Variants in RALYL observed in about 807,000 individuals in gnomAD.
RALYL encodes RALY RNA binding protein like.
In RALYL, 29 loss-of-function variants were observed where a neutral mutation model predicts 35.1. The ratio of observed to expected loss-of-function variants is 0.83; its 90% confidence interval spans 0.61 to 1.13. The LOEUF is 1.13. Among genes scored for constraint, RALYL ranks in the 50% most tolerant of loss-of-function variants. The pLI is 0.00. For synonymous variants in RALYL, 120 were observed against 127.6 expected, an observed-to-expected ratio of 0.94 and a Z score of 0.40; for missense variants, 359 against 360.4, an observed-to-expected ratio of 1.00 and a Z score of 0.03.
intron 2 of RALYL, among the ~76,000 whole-genome samples, chr8:84,623,576 G>A (rs1401438097): frequency 6.6e-6 from 1 of 152,108 alleles, no homozygotes; most frequent in African/African-American, 2.4e-5. Context: ...GAGAGGTAGG[G>A]AGAGGAAGTT....
At chr8:84,759,774 ATCT>A (rs1226459995) in intron 2 of RALYL, among the ~76,000 whole-genome samples, 1 of 152,198 alleles carries the variant, frequency 6.6e-6, no homozygotes, top group Non-Finnish European at 1.5e-5. Flanking sequence ...TGATTATTTC[ATCT>A]TCTCTGTTGT....
intron 1 of RALYL, among the ~76,000 whole-genome samples, chr8:84,313,908 C>A (rs1843267229): frequency 6.6e-6 from 1 of 152,154 alleles, no homozygotes; most frequent in Non-Finnish European, 1.5e-5. Flanking sequence ...ATCTTTGTAG[C>A]AGTATCCCAC....
intron 1 of RALYL, among the ~76,000 whole-genome samples, chr8:84,348,315 G>A (rs912637856): frequency 6.6e-6 from 1 of 152,120 alleles, no homozygotes; most frequent in Non-Finnish European, 1.5e-5. Context: ...GATTTTCAGA[G>A]ACAGAGTTTG....
intron 1 of RALYL, among the ~76,000 whole-genome samples, chr8:84,352,207 C>T (rs1423029190): frequency 1.3e-5 from 2 of 149,976 alleles, no homozygotes; most frequent in Admixed American, 6.6e-5. Context: ...AATATAAATC[C>T]ATTGCTAAAT....
At chr8:84,345,802 C>T (rs1849733369) in intron 1 of RALYL, among the ~76,000 whole-genome samples, 1 of 152,094 alleles carries the variant, frequency 6.6e-6, no homozygotes, top group Admixed American at 6.6e-5. Flanking sequence ...CTTCATCCTA[C>T]TCTTGGGGAG....
In RALYL at chr8:84,535,160, A is replaced by C. The variant is rs117931729; in HGVS notation, c.256+5583A>C. Reference sequence around the variant, plus strand: ...CACAACAATGCCAATAAATAATATTAGTATTTACGCCCATTCTGCTGGTTA... The same window carrying C: ...CACAACAATGCCAATAAATAATATTCGTATTTACGCCCATTCTGCTGGTTA... On this transcript the variant is annotated intron_variant, in intron 2 of 8. Transcript: ENST00000521268. 2.7e-3 allele frequency among the ~76,000 whole-genome samples: 406 copies of C among 152,328 alleles called. 2 individuals are homozygous for C. The highest frequency in any genetic ancestry group is 4.7e-3 in the Non-Finnish European group (323 of 68,030).
intron 2 of RALYL, among the ~76,000 whole-genome samples, chr8:84,661,254 C>A (rs532706156): frequency 1.6e-4 from 25 of 151,928 alleles, no homozygotes; most frequent in African/African-American, 6.0e-4. Flanking sequence ...TATAGAGGGA[C>A]CATAAATTAT....
intron 1 of RALYL, among the ~76,000 whole-genome samples, chr8:84,281,307 A>G (rs1836501233): frequency 6.6e-6 from 1 of 152,176 alleles, no homozygotes; most frequent in Admixed American, 6.5e-5. Flanking sequence ...TGATTTTATT[A>G]TATCAGTTTT....
chr8:84,412,733 G>C (rs1204436344), intron 1 of RALYL, among the ~76,000 whole-genome samples: 3 of 152,006 alleles, frequency 2.0e-5, no homozygotes. Flanking sequence ...GCTCCTTAGA[G>C]AGGAAATAGA....
intron 1 of RALYL, among the ~76,000 whole-genome samples, chr8:84,235,527 C>A (rs1231622336): frequency 2.6e-5 from 4 of 152,234 alleles, no homozygotes; most frequent in South Asian, 2.1e-4. Flanking sequence ...CAGAAGATAA[C>A]CTCAGAATGT....
At chr8:84,699,850 A>G (rs1003240625) in intron 2 of RALYL, among the ~76,000 whole-genome samples, 10 of 152,164 alleles carry the variant, frequency 6.6e-5, no homozygotes, top group African/African-American at 2.4e-4. Flanking sequence ...TTTACGTTAT[A>G]CCTTTAAGGT....
intron 1 of RALYL, among the ~76,000 whole-genome samples, chr8:84,496,664 T>A (rs2056061350): frequency 6.6e-6 from 1 of 152,176 alleles, no homozygotes; most frequent in Admixed American, 6.5e-5. Context: ...TGTGTATCTA[T>A]GAATATATTT....
At chr8:84,736,729 C>A (rs74716241) in intron 2 of RALYL, among the ~76,000 whole-genome samples, 2,510 of 152,070 alleles carry the variant, frequency 0.017, 77 homozygotes, top group African/African-American at 0.056. Context: ...AAACAATATT[C>A]AACCACTTCT....
At chr8:84,467,096 C>T (rs1427520199) in intron 1 of RALYL, among the ~76,000 whole-genome samples, 2 of 151,942 alleles carry the variant, frequency 1.3e-5, no homozygotes, top group Non-Finnish European at 2.9e-5. Flanking sequence ...AAAACCAGCT[C>T]CTGGATTCAT....
At chr8:84,360,056 A>T (rs1355218810) in intron 1 of RALYL, among the ~76,000 whole-genome samples, 1 of 151,994 alleles carries the variant, frequency 6.6e-6, no homozygotes, top group Non-Finnish European at 1.5e-5. Flanking sequence ...TATTTTTAGT[A>T]AAGATGGGGT....
chr8:84,676,337 A>T (rs1342849385), intron 2 of RALYL, among the ~76,000 whole-genome samples: 1 of 152,204 alleles, frequency 6.6e-6, no homozygotes, highest in Non-Finnish European at 1.5e-5. Context: ...GCAGATGTCC[A>T]TACAGCAGAA....
chr8:84,486,951 C>G (rs1266432579), intron 1 of RALYL, among the ~76,000 whole-genome samples: 1 of 151,910 alleles, frequency 6.6e-6, no homozygotes, highest in Non-Finnish European at 1.5e-5. Context: ...TGAGACTTTA[C>G]GCCCAAGGGG....
chr8:84,666,763 T>C (rs1476089851), intron 2 of RALYL, among the ~76,000 whole-genome samples: 3 of 152,066 alleles, frequency 2.0e-5, no homozygotes, highest in Non-Finnish European at 4.4e-5. Flanking sequence ...TGCTTCATAC[T>C]CCCAGATTTA....
intron 3 of RALYL, among the ~76,000 whole-genome samples, chr8:84,775,459 A>G (rs1355237458): frequency 6.6e-6 from 1 of 152,148 alleles, no homozygotes; most frequent in Non-Finnish European, 1.5e-5. Context: ...TGCCCTCTGT[A>G]CCTTAAATTC....
Sources: gnomAD v4.1 joint callset for allele counts (sites outside exome capture counted in the v4.1 genomes callset) on GRCh38, gnomAD v4.1.1 for gene constraint, MANE v1.5 for transcripts, NCBI Gene and HGNC (gene_info 2026-07-23, HGNC 2026-07-21) for gene names.